The following DNAJC11 variants were observed in gnomAD, a reference collection of about 807,000 sequenced individuals.
DNAJC11 encodes DnaJ heat shock protein family (Hsp40) member C11, also known as dnaJ homolog subfamily C member 11.
A neutral mutation model predicts 78.6 loss-of-function variants in DNAJC11; 15 were observed. The observed-to-expected ratio is 0.19, with a 90% CI of 0.13 to 0.29. The LOEUF (loss-of-function observed/expected upper bound fraction) is 0.29. DNAJC11 is among the 10% of genes least tolerant of loss of function. DNAJC11 has a pLI of 1.00. For synonymous variants in DNAJC11, 292 were observed against 272.1 expected (o/e 1.07, Z -0.72); for missense variants, 547 against 709.6 (o/e 0.77, Z 2.60).
chr1:6,665,136 C>T (rs1317555561), intron 4 of DNAJC11, among the ~76,000 whole-genome samples: 5 of 152,162 alleles, frequency 3.3e-5, no homozygotes, highest in Non-Finnish European at 2.9e-5. Context: ...GGTGCAATCA[C>T]GGCTCACTGC....
intron 1 of DNAJC11, among the ~76,000 whole-genome samples, chr1:6,700,983 C>A (rs569295874): frequency 3.3e-5 from 5 of 152,266 alleles, no homozygotes; most frequent in African/African-American, 1.2e-4. Flanking sequence ...CCTACTACTG[C>A]CAGGCTATGT....
At chr1:6,636,923 A>G (rs909159625) in intron 14 of DNAJC11, among the ~76,000 whole-genome samples, 7 of 152,180 alleles carry the variant, frequency 4.6e-5, no homozygotes, top group African/African-American at 1.7e-4. Context: ...ATCACAGCTC[A>G]CTGTAGCCTC....
intron 1 of DNAJC11, among the ~76,000 whole-genome samples, 177 bp downstream of exon 1, chr1:6,701,552 G>A (rs566842433): frequency 4.7e-4 from 72 of 152,260 alleles, no homozygotes; most frequent in African/African-American, 1.7e-3. Context: ...CGGCGGGAGG[G>A]TCTGGGCGGT....
chr1:6,654,781 C>CT lies in DNAJC11; in HGVS notation c.379-743dup, dbSNP rs3062933. On this transcript the variant is annotated intron_variant, in intron 4 of 15. Coordinates refer to ENST00000377577, the MANE Select transcript of DNAJC11 (RefSeq NM_018198.4). Reference sequence around the variant, plus strand: ...AAACAATGTTTTTTTGCTAGCTTTTCTTTTTTTTTTTTTTTTGAGATGGAG... The same window carrying CT: ...AAACAATGTTTTTTTGCTAGCTTTTCTTTTTTTTTTTTTTTTTGAGATGGAG... Among the ~76,000 whole-genome samples the CT allele has an allele frequency of 4.4e-3, 618 of 141,826 alleles. 4 individuals are homozygous for CT. Among genetic ancestry groups the CT allele is most frequent in the Non-Finnish European group, 6.5e-3 (425 of 64,898 alleles). The allele number at this position is 141,826 out of a possible 152,430, so 93.0% of individuals were successfully genotyped here. A position where few individuals can be genotyped will look rare whatever the true frequency, so the allele number is the denominator to read the frequency against.
At chr1:6,685,568 C>T (rs960352329) in intron 1 of DNAJC11, among the ~76,000 whole-genome samples, 3 of 152,164 alleles carry the variant, frequency 2.0e-5, no homozygotes, top group Non-Finnish European at 4.4e-5. Flanking sequence ...TCAATCAATC[C>T]GAGCTCCTCT....
Position 6,701,457 on chromosome 1 carries a change from G to C in DNAJC11, c.72+272C>G, listed in dbSNP as rs181878300. ...GGGGCCCCCGTTTCCTCTTGAGCGT[G>C]CGGGGGCCTCTGGCCCTACCCGGAC... On this transcript the variant is annotated intron_variant, in intron 1 of 15. Coordinates refer to ENST00000377577, the MANE Select transcript of DNAJC11 (RefSeq NM_018198.4). Among the ~76,000 whole-genome samples the C allele has an allele frequency of 2.6e-5, 4 of 152,332 alleles. No homozygotes were observed. In the East Asian group the frequency reaches 7.7e-4, roughly 29 times the overall value.
At chr1:6,671,060 G>A (rs985214141) in intron 3 of DNAJC11, 11 of 152,106 alleles carry the variant, frequency 7.2e-5, no homozygotes, top group African/African-American at 1.4e-4. Context: ...CCTGACTGTG[G>A]AGCCACAGTT....
In DNAJC11 at chr1:6,640,027, G is replaced by A. The variant is rs753858588; in HGVS notation, c.1128C>T (p.Phe376=). The A allele has an allele frequency of 6.4e-7, 1 of 1,550,546 alleles. No homozygotes were observed. The highest frequency in any genetic ancestry group is 1.1e-5 in the South Asian group (1 of 89,580). The change falls in exon 11 of 16, where the codon TTC becomes TTT. Residue 376 remains phenylalanine, a synonymous_variant. Coordinates refer to ENST00000377577, the MANE Select transcript of DNAJC11 (RefSeq NM_018198.4). The part of the protein sequence containing the change: ...KLNRASQTYF[F]PIHLTDQLLP... ...GAAGCTGGTCCGTCAAGTGAATAGGGAAGAAGTATGTCTGACTGGCCCTGT... is the reference window on the plus strand; with the variant it reads ...GAAGCTGGTCCGTCAAGTGAATAGGAAAGAAGTATGTCTGACTGGCCCTGT...
At chr1:6,664,242 T>C (rs1205958371) in intron 4 of DNAJC11, among the ~76,000 whole-genome samples, 1 of 132,558 alleles carries the variant, frequency 7.5e-6, no homozygotes, top group Non-Finnish European at 1.6e-5. Context: ...ATTTTCTTTC[T>C]TTTTTTTTTT....
chr1:6,692,673 C>T (rs1266201006), intron 1 of DNAJC11, among the ~76,000 whole-genome samples: 4 of 146,876 alleles, frequency 2.7e-5, no homozygotes, highest in East Asian at 2.0e-4. Flanking sequence ...TGCAATGGCA[C>T]GATCTTGGCT....
At chr1:6,661,204 G>A (rs950375224) in intron 4 of DNAJC11, among the ~76,000 whole-genome samples, 6 of 152,130 alleles carry the variant, frequency 3.9e-5, no homozygotes, top group Non-Finnish European at 8.8e-5. Context: ...TCTGTCAACT[G>A]CAATCTCAAA....
At chr1:6,651,651 G>A in intron 6 of DNAJC11, 49 bp from the exon 7 acceptor site, 1 of 1,468,602 alleles carries the variant, frequency 6.8e-7, no homozygotes, top group Non-Finnish European at 9.5e-7. Flanking sequence ...TTATCTCATA[G>A]CAGCAACCCA....
rs934860132 is a variant in DNAJC11, at chr1:6,643,089, G to A, written c.1097+1469C>T. 4.6e-5 allele frequency among the ~76,000 whole-genome samples: 7 copies of A among 151,984 alleles called. No homozygotes were observed. In the East Asian group the frequency reaches 5.8e-4, roughly 13 times the overall value. On this transcript the variant is annotated intron_variant, in intron 10 of 15. Coordinates refer to ENST00000377577, the MANE Select transcript of DNAJC11 (RefSeq NM_018198.4). ...AGAGGCTGTAAGGGCAGGAGGGAAC[G>A]GCCACCGCGACAGCAGGTGCAGAGA... is the stretch of plus-strand genomic sequence containing the variant.
At chr1:6,658,337 G>C (rs887592505) in intron 4 of DNAJC11, among the ~76,000 whole-genome samples, 1 of 152,184 alleles carries the variant, frequency 6.6e-6, no homozygotes, top group African/African-American at 2.4e-5. Context: ...ATAACACAGA[G>C]GAAAAAGTGT....
chr1:6,657,527 T>C (rs1181031469), intron 4 of DNAJC11, among the ~76,000 whole-genome samples: 2 of 152,208 alleles, frequency 1.3e-5, no homozygotes, highest in East Asian at 3.8e-4. Context: ...TATGGAATTA[T>C]TGTTGGAAGC....
intron 7 of DNAJC11, among the ~76,000 whole-genome samples, chr1:6,647,681 G>T (rs1364866878): frequency 2.6e-5 from 4 of 152,112 alleles, no homozygotes; most frequent in Admixed American, 1.3e-4. Flanking sequence ...AGCTAGGCGT[G>T]GTGGCATGTG....
At chr1:6,699,385 C>T (rs1251779964) in intron 1 of DNAJC11, among the ~76,000 whole-genome samples, 1 of 152,178 alleles carries the variant, frequency 6.6e-6, no homozygotes, top group Non-Finnish European at 1.5e-5. Context: ...CAAGGTATAC[C>T]TTTGACAAAA....
intron 1 of DNAJC11, among the ~76,000 whole-genome samples, chr1:6,682,294 A>C (rs1642566881): frequency 6.6e-6 from 1 of 152,072 alleles, no homozygotes. Flanking sequence ...TTTAGTAATA[A>C]TTTTTGGCCC....
chr1:6,681,708 G>T (rs527845193), intron 1 of DNAJC11, among the ~76,000 whole-genome samples: 1 of 152,192 alleles, frequency 6.6e-6, no homozygotes, highest in Non-Finnish European at 1.5e-5. Context: ...ACCACAGTGG[G>T]GGGGGCGGGT....
Sources: gnomAD v4.1 joint callset for allele counts (sites outside exome capture counted in the v4.1 genomes callset) on GRCh38, gnomAD v4.1.1 for gene constraint, MANE v1.5 for transcripts, NCBI Gene and HGNC (gene_info 2026-07-23, HGNC 2026-07-21) for gene names.